MYO3B: variants seen among roughly 807,000 people sequenced by gnomAD.
The protein encoded by MYO3B is myosin IIIB, also known as myosin-IIIb.
MYO3B carries 156 observed loss-of-function variants against 174.6 expected under a neutral mutation model. The ratio of observed to expected loss-of-function variants is 0.89; its 90% confidence interval spans 0.78 to 1.02. The LOEUF (loss-of-function observed/expected upper bound fraction) is 1.02, where lower values mean the gene tolerates loss of function less well. Among genes scored for constraint, MYO3B ranks in the 50% least tolerant of loss-of-function variants. The pLI is 0.00. For synonymous variants in MYO3B, 563 were observed against 569.1 expected (o/e 0.99, Z 0.15); for missense variants, 1,632 against 1,639.4 (o/e 1.00, Z 0.08).
intron 34 of MYO3B, among the ~76,000 whole-genome samples, 177 bp from the exon 35 acceptor site, chr2:170,652,806 G>A (rs990935379): frequency 3.3e-5 from 5 of 152,186 alleles, no homozygotes; most frequent in African/African-American, 4.8e-5. Context: ...GGGCTTTGTA[G>A]ATCAGACCCT....
chr2:170,462,525 A>G (rs966289096), intron 23 of MYO3B, among the ~76,000 whole-genome samples: 2 of 152,184 alleles, frequency 1.3e-5, no homozygotes, highest in Non-Finnish European at 2.9e-5. Flanking sequence ...TCCTCACCCC[A>G]TGGGAAGGTG....
intron 8 of MYO3B, among the ~76,000 whole-genome samples, chr2:170,353,636 G>A (rs1462481357): frequency 6.6e-6 from 1 of 152,086 alleles, no homozygotes; most frequent in Non-Finnish European, 1.5e-5. Context: ...GTTGACAGTG[G>A]AGAGGCTGTG....
chr2:170,284,981 G>C (rs1225187366), intron 7 of MYO3B, among the ~76,000 whole-genome samples: 3 of 152,126 alleles, frequency 2.0e-5, no homozygotes, highest in Non-Finnish European at 2.9e-5. Context: ...ATTGCATCTT[G>C]CTTTTGAGTT....
Position 170,387,181 on chromosome 2 carries a change from G to C in MYO3B, c.1450G>C (p.Ala484Pro). Residue 484 changes from alanine to proline, a missense_variant, in exon 14 of 35, where the codon GCC becomes CCC. Physicochemically the swap from Ala to Pro is conservative, Grantham distance 27. Coordinates refer to ENST00000408978, the MANE Select transcript of MYO3B (RefSeq NM_138995.5). The part of the protein sequence containing the change: ...LVEAFGNSCT[A>P]INDNSSRFGK... ...GGAAGCCTTTGGGAACTCATGCACT[G>C]CCATCAATGACAACTCGAGCCGTTT... 6.2e-7 allele frequency: 1 copy of C among 1,614,122 alleles called. No homozygotes were observed.
intron 7 of MYO3B, among the ~76,000 whole-genome samples, chr2:170,277,381 C>T (rs1257340573): frequency 6.6e-6 from 1 of 152,192 alleles, no homozygotes. Flanking sequence ...GAGCAGTCAA[C>T]ATCTATGGCT....
At chr2:170,282,792 A>G (rs2093522627) in intron 7 of MYO3B, among the ~76,000 whole-genome samples, 1 of 152,052 alleles carries the variant, frequency 6.6e-6, no homozygotes, top group Non-Finnish European at 1.5e-5. Flanking sequence ...GGGAAAGCCT[A>G]TTCTTAAAGT....
chr2:170,581,580 C>CTT (rs201074334), intron 32 of MYO3B, among the ~76,000 whole-genome samples: 2 of 150,860 alleles, frequency 1.3e-5, no homozygotes, highest in South Asian at 2.1e-4. Flanking sequence ...AAGTTTTAAT[C>CTT]TTTTTTTTTC....
intron 32 of MYO3B, among the ~76,000 whole-genome samples, chr2:170,633,652 A>G (rs1697220594): frequency 6.6e-6 from 1 of 152,212 alleles, no homozygotes; most frequent in Admixed American, 6.5e-5. Flanking sequence ...AAGAAACGGT[A>G]TTCAGTTAGG....
Position 170,386,226 on chromosome 2 carries a change from C to G in MYO3B, c.1328C>G (p.Thr443Arg). Residue 443 changes from threonine to arginine, a missense_variant, in exon 13 of 35, where the codon ACA becomes AGA. Coordinates refer to ENST00000408978, the MANE Select transcript of MYO3B (RefSeq NM_138995.5). ...VISGESGSGK[T>R]ESAHLIVQHL... is the part of the protein sequence containing the mutation. ...AGCGGAGAGAGTGGCTCTGGGAAGA[C>G]AGAAAGCGCCCACCTGATTGTTCAG... The G allele has an allele frequency of 6.2e-7, 1 of 1,613,656 alleles. No homozygotes were observed. The highest frequency in any genetic ancestry group is 8.5e-7 in the Non-Finnish European group (1 of 1,179,670).
At chr2:170,422,973 CTTTCTTTTT>C (rs2094628675) in intron 22 of MYO3B, among the ~76,000 whole-genome samples, 2 of 95,220 alleles carry the variant, frequency 2.1e-5, no homozygotes, top group African/African-American at 8.1e-5. Context: ...ATATTTCTTT[CTTTCTTTTT>C]TTTTTTTTTT....
At chr2:170,203,938 G>C (rs2092690434) in intron 3 of MYO3B, among the ~76,000 whole-genome samples, 1 of 152,158 alleles carries the variant, frequency 6.6e-6, no homozygotes. Context: ...AAAAGAGAGA[G>C]AGTTAAGAGG....
intron 7 of MYO3B, among the ~76,000 whole-genome samples, chr2:170,262,849 G>A (rs901164733): frequency 1.3e-5 from 2 of 152,166 alleles, no homozygotes; most frequent in Non-Finnish European, 2.9e-5. Flanking sequence ...AGCCTTTGAA[G>A]TCTAGGACTA....
intron 32 of MYO3B, among the ~76,000 whole-genome samples, chr2:170,609,535 T>C (rs1222945212): frequency 2.6e-5 from 4 of 152,194 alleles, no homozygotes; most frequent in African/African-American, 4.8e-5. Context: ...CTATGTAAGT[T>C]ACTTATGTGT....
intron 21 of MYO3B, among the ~76,000 whole-genome samples, chr2:170,407,126 A>C (rs992270060): frequency 2.6e-5 from 4 of 152,150 alleles, no homozygotes; most frequent in African/African-American, 9.7e-5. Context: ...ATATTTTAAT[A>C]ATTATTCTGA....
chr2:170,625,220 G>A lies in MYO3B; in HGVS notation c.3734-26408G>A, dbSNP rs1696307032. 6.6e-5 allele frequency among the ~76,000 whole-genome samples: 10 copies of A among 152,254 alleles called. No homozygotes were observed. In the South Asian group the frequency reaches 2.1e-3, roughly 32 times the overall value. ...CTGGACTTTTTTTGGTTGGTAAGCA[G>A]TTAATTATTGCCTCAATTTCAGAGC... On this transcript the variant is annotated intron_variant, in intron 32 of 34. Transcript: ENST00000408978.
chr2:170,651,987 A>C (rs1699043405), intron 33 of MYO3B, 121 bp from the exon 34 acceptor site: 1 of 1,153,464 alleles, frequency 8.7e-7, no homozygotes, highest in Admixed American at 2.1e-5. Flanking sequence ...GATCAAAAAA[A>C]ATTATGCTGT....
chr2:170,537,870 A>T (rs1360495967), intron 30 of MYO3B, among the ~76,000 whole-genome samples: 1 of 152,208 alleles, frequency 6.6e-6, no homozygotes, highest in African/African-American at 2.4e-5. Context: ...AATACTCCCA[A>T]ATTTAGAGAC....
At chr2:170,595,727 C>T (rs1033102303) in intron 32 of MYO3B, among the ~76,000 whole-genome samples, 1 of 152,138 alleles carries the variant, frequency 6.6e-6, no homozygotes, top group African/African-American at 2.4e-5. Context: ...TGTGAGCCAC[C>T]ATGCCTGGCT....
At chr2:170,496,192 G>A (rs1686846772) in intron 25 of MYO3B, among the ~76,000 whole-genome samples, 1 of 152,174 alleles carries the variant, frequency 6.6e-6, no homozygotes, top group Non-Finnish European at 1.5e-5. Flanking sequence ...CAGGGTTTCT[G>A]AATGCAAATG....
Sources: gnomAD v4.1 joint callset for allele counts (sites outside exome capture counted in the v4.1 genomes callset) on GRCh38, gnomAD v4.1.1 for gene constraint, MANE v1.5 for transcripts, NCBI Gene and HGNC (gene_info 2026-07-23, HGNC 2026-07-21) for gene names.